The following ATP1A2 variants were observed in gnomAD, a reference collection of about 807,000 sequenced individuals.
The protein encoded by ATP1A2 is ATPase Na+/K+ transporting subunit alpha 2.
Under a neutral mutation model 113.1 loss-of-function variants are expected in ATP1A2, and 56 were observed. The observed-to-expected ratio is 0.49, with a 90% CI of 0.40 to 0.62. The LOEUF (loss-of-function observed/expected upper bound fraction) is 0.62, where lower values mean the gene tolerates loss of function less well. ATP1A2 is among the 20% of genes least tolerant of loss of function. ATP1A2 has a pLI of 0.00. For synonymous variants in ATP1A2, 490 were observed against 526.8 expected, an observed-to-expected ratio of 0.93 and a Z score of 0.96; for missense variants, 712 against 1,357.8, an observed-to-expected ratio of 0.52 and a Z score of 7.47.
intron 1 of ATP1A2, 106 bp from the exon 2 acceptor site, chr1:160,120,800 C>A: frequency 8.3e-7 from 1 of 1,210,490 alleles, no homozygotes; most frequent in Non-Finnish European, 1.2e-6. Flanking sequence ...GCAGCCGCTG[C>A]TTTTGAACAC....
chr1:160,120,914 T>C lies in ATP1A2; in HGVS notation c.21T>C (p.Arg7=). 1 of 1,594,494 alleles carries C rather than the reference T, an allele frequency of 6.3e-7. No individual in the cohort carries two copies. Among genetic ancestry groups the C allele is most frequent in the Non-Finnish European group, 8.5e-7 (1 of 1,170,938 alleles). Residue 7 remains arginine, a synonymous_variant, in exon 2 of 23, where the codon CGT becomes CGC. Transcript: ENST00000361216. The part of the protein sequence containing the change: MGRGAG[R]EYSPAATTAE... ...CTCCCTTCCTCCCTCAGGCTGGCCG[T>C]GAGTACTCACCTGCCGCCACCACGG...
chr1:160,116,541 A>C (rs1238098756), intron 1 of ATP1A2, among the ~76,000 whole-genome samples: 9 of 149,238 alleles, frequency 6.0e-5, no homozygotes, highest in East Asian at 2.0e-4. Context: ...GTGACAGGTG[A>C]CCCCCCCCCC....
intron 4 of ATP1A2, 29 bp downstream of exon 4, chr1:160,123,445 G>C: frequency 6.2e-7 from 1 of 1,613,838 alleles, no homozygotes; most frequent in Non-Finnish European, 8.5e-7. Context: ...CCCGGGAACA[G>C]CCCGTGACTG....
chr1:160,134,768 T>G (rs1651882423), intron 14 of ATP1A2, 148 bp downstream of exon 14: 1 of 1,226,368 alleles, frequency 8.2e-7, no homozygotes, highest in Admixed American at 2.0e-5. Flanking sequence ...TCCTCAGCCC[T>G]GAGCTTGTAT....
chr1:160,136,411 G>A (rs757875162), intron 18 of ATP1A2, 41 bp downstream of exon 18: 2 of 1,613,332 alleles, frequency 1.2e-6, no homozygotes, highest in Non-Finnish European at 1.7e-6. Context: ...CCCCAACAGG[G>A]TTCTTTTCCC....
rs766139169 is a variant in ATP1A2 at position 160,135,334 on chromosome 1, C to T, written c.2115+39C>T. On this transcript the variant is annotated intron_variant, in intron 15 of 22. Coordinates refer to ENST00000361216, the MANE Select transcript of ATP1A2 (RefSeq NM_000702.4). This position sits in a 1 kb window ranked among gnomAD's most constrained non-coding sequence, Gnocchi z 6.3. Reference sequence around the variant, plus strand: ...CGGGAGGCAGATGACAGGCAGGGACCGGGGAGGCAGGGACAGGGCCAAGAC... The same window carrying T: ...CGGGAGGCAGATGACAGGCAGGGACTGGGGAGGCAGGGACAGGGCCAAGAC... The T allele has an allele frequency of 1.5e-5, 24 of 1,614,058 alleles. No individual in the cohort carries two copies. The highest frequency in any genetic ancestry group is 5.5e-5 in the South Asian group (5 of 91,074).
chr1:160,133,612 G>A (rs1043711079), intron 13 of ATP1A2, among the ~76,000 whole-genome samples: 3 of 152,108 alleles, frequency 2.0e-5, no homozygotes, highest in African/African-American at 4.8e-5. Flanking sequence ...AGGCAGGGGT[G>A]TTGTCTCCAT....
intron 1 of ATP1A2, among the ~76,000 whole-genome samples, chr1:160,119,233 AC>A (rs1423690366): frequency 3.5e-5 from 4 of 114,416 alleles, no homozygotes. Context: ...TGCAAACAAA[AC>A]CCCCAAAACT....
intron 1 of ATP1A2, among the ~76,000 whole-genome samples, chr1:160,117,477 C>G (rs1233804208): frequency 6.6e-6 from 1 of 152,142 alleles, no homozygotes; most frequent in Non-Finnish European, 1.5e-5. Flanking sequence ...CCCAAACTCC[C>G]CTTAATCACC....
At position 160,135,732 on chromosome 1, in the gene ATP1A2, G is replaced by A; in HGVS notation, c.2285-107G>A. 1 of 1,610,256 alleles carries A rather than the reference G, an allele frequency of 6.2e-7. No individual in the cohort carries two copies. The highest frequency in any genetic ancestry group is 8.5e-7 in the Non-Finnish European group (1 of 1,177,440). The stretch of plus-strand genomic sequence containing the variant: ...AGCCCAGCCCACTTTAGCTTCCCTT[G>A]AACACAAAATCTTCCTCTCTTGGGA... On this transcript the variant is annotated intron_variant, in intron 16 of 22. Coordinates refer to ENST00000361216, the MANE Select transcript of ATP1A2 (RefSeq NM_000702.4). The surrounding 1 kb of genome is among the most constrained non-coding windows in gnomAD (Gnocchi z 6.3).
In ATP1A2 at chr1:160,135,418, G is replaced by C. The variant is rs777540455; in HGVS notation, c.2116-16G>C. 6.2e-7 allele frequency: 1 copy of C among 1,614,160 alleles called. No individual in the cohort carries two copies. The highest frequency in any genetic ancestry group is 2.2e-5 in the East Asian group (1 of 44,880). The stretch of plus-strand genomic sequence containing the variant: ...GGAAGGGGTTTCGTCCTCAAGTGTG[G>C]CCGTCTTCCCTCCAGGGAGCCATTG... On this transcript the variant is annotated splice_polypyrimidine_tract_variant and intron_variant, in intron 15 of 22. Coordinates refer to ENST00000361216, the MANE Select transcript of ATP1A2 (RefSeq NM_000702.4). This position sits in a 1 kb window ranked among gnomAD's most constrained non-coding sequence, Gnocchi z 6.3.
intron 14 of ATP1A2, 152 bp downstream of exon 14, chr1:160,134,772 C>T: frequency 1.7e-6 from 2 of 1,210,698 alleles, no homozygotes; most frequent in Non-Finnish European, 2.4e-6. Flanking sequence ...CAGCCCTGAG[C>T]TTGTATCCAG....
chr1:160,138,412 T>C (rs946558096), intron 20 of ATP1A2, among the ~76,000 whole-genome samples: 1 of 152,152 alleles, frequency 6.6e-6, no homozygotes, highest in East Asian at 1.9e-4. Flanking sequence ...ATGTATTCAA[T>C]ACTTATTCAC....
At chr1:160,129,471 G>A in intron 11 of ATP1A2, 71 bp downstream of exon 11, 4 of 1,593,540 alleles carry the variant, frequency 2.5e-6, no homozygotes, top group Non-Finnish European at 3.4e-6. Flanking sequence ...AAGCCAAGGG[G>A]AATCATCACT....
rs1448339977 is a variant in ATP1A2 at position 160,123,288 on chromosome 1, C to T, written c.253C>T (p.Pro85Ser). The change falls in exon 4 of 23, where the codon CCT (proline) becomes TCT (serine). Residue 85 changes from proline (P) to serine (S), a missense_variant. Coordinates refer to ENST00000361216, the MANE Select transcript of ATP1A2 (RefSeq NM_000702.4). ...PNALTPPPTTPEWVKFCRQLF... is the reference protein window; with the variant it reads ...PNALTPPPTTSEWVKFCRQLF... The stretch of plus-strand genomic sequence containing the variant: ...CGCCCTCACACCACCTCCCACAACC[C>T]CTGAGTGGGTCAAGTTCTGCCGTCA... 1.2e-6 allele frequency: 2 copies of T among 1,614,250 alleles called. No homozygotes were observed. The highest frequency in any genetic ancestry group is 1.3e-5 in the African/African-American group (1 of 75,070).
Position 160,129,180 on chromosome 1 carries a change from G to A in ATP1A2, c.1327-86G>A, listed in dbSNP as rs1651688423. On this transcript the variant is annotated intron_variant, in intron 10 of 22. Transcript: ENST00000361216. ...GCTTTCCTTCTCACATGATGTGGCTGCCTTGGGGGTTTCAGTGCCGCCTTC... is the reference window on the plus strand; with the variant it reads ...GCTTTCCTTCTCACATGATGTGGCTACCTTGGGGGTTTCAGTGCCGCCTTC... 4.3e-6 allele frequency: 7 copies of A among 1,609,522 alleles called. No individual in the cohort carries two copies. In the East Asian group the frequency reaches 8.9e-5, roughly 21 times the overall value.
At chr1:160,125,972 C>T (rs1651572969) in intron 7 of ATP1A2, among the ~76,000 whole-genome samples, 1 of 152,152 alleles carries the variant, frequency 6.6e-6, no homozygotes, top group African/African-American at 2.4e-5. Context: ...AGGGAAGAGA[C>T]AGAAAGAGGC....
Position 160,119,842 on chromosome 1 carries a change from A to AAG in ATP1A2, c.13-1063_13-1062insGA, listed in dbSNP as rs1558001928. ...ACCTTATATCTAAAAAAAAAAAAAA[A>AAG]AAAGAAAGAAAGAAAGAAAATTGTT... On this transcript the variant is annotated intron_variant, in intron 1 of 22. Transcript: ENST00000361216. Among the ~76,000 whole-genome samples the AAG allele has an allele frequency of 2.0e-3, 301 of 147,994 alleles. 1 individual carries two copies. The highest frequency in any genetic ancestry group is 7.1e-3 in the African/African-American group (281 of 39,696).
chr1:160,125,765 T>A (rs769527854), intron 7 of ATP1A2, among the ~76,000 whole-genome samples: 1 of 152,206 alleles, frequency 6.6e-6, no homozygotes, highest in Non-Finnish European at 1.5e-5. Context: ...CTTTGTTACA[T>A]CAAAAGACAT....
Sources: gnomAD v4.1 joint callset for allele counts (sites outside exome capture counted in the v4.1 genomes callset) on GRCh38, gnomAD v4.1.1 for gene constraint, Gnocchi (gnomAD v3.1) non-coding constraint, MANE v1.5 for transcripts, NCBI Gene and HGNC (gene_info 2026-07-23, HGNC 2026-07-21) for gene names.